The following TMEM232 variants were observed in gnomAD, a reference collection of about 807,000 sequenced individuals.
TMEM232 encodes transmembrane protein 232.
In TMEM232, 80 loss-of-function variants were observed where a neutral mutation model predicts 78.8. The ratio of observed to expected loss-of-function variants is 1.01; its 90% CI spans 0.85 to 1.22. TMEM232 has a LOEUF of 1.22. Ranked by LOEUF, TMEM232 falls within the 50% of genes most tolerant of loss-of-function variation. The pLI is 0.00. For synonymous variants in TMEM232, 297 were observed against 254.3 expected (o/e 1.17, Z -1.60); for missense variants, 881 against 742.2 (o/e 1.19, Z -2.17).
intron 12 of TMEM232, among the ~76,000 whole-genome samples, chr5:110,526,347 T>C (rs181059551): frequency 1.1e-3 from 161 of 151,114 alleles, no homozygotes; most frequent in Admixed American, 2.6e-3. Context: ...TTAATAGATA[T>C]ATAGTCCCAG....
At chr5:110,727,798 G>A (rs542474426), upstream of TMEM232, among the ~76,000 whole-genome samples, 28 of 152,140 alleles carry the variant, frequency 1.8e-4, no homozygotes, top group African/African-American at 6.3e-4. Context: ...CTTCTCTGAC[G>A]TATCACTCCT....
chr5:110,596,551 G>A (rs566940210), intron 10 of TMEM232, among the ~76,000 whole-genome samples: 1 of 152,260 alleles, frequency 6.6e-6, no homozygotes, highest in African/African-American at 2.4e-5. Context: ...GCTGGGCAGA[G>A]ACACCACAAA....
At chr5:110,507,681 C>T (rs368139976) in intron 12 of TMEM232, among the ~76,000 whole-genome samples, 6 of 152,160 alleles carry the variant, frequency 3.9e-5, no homozygotes, top group African/African-American at 1.4e-4. Flanking sequence ...GTCCGAGTGC[C>T]AAGTAGATTT....
chr5:110,683,957 T>A (rs939673028), intron 1 of TMEM232, among the ~76,000 whole-genome samples: 1 of 152,012 alleles, frequency 6.6e-6, no homozygotes, highest in African/African-American at 2.4e-5. Context: ...AGCAAAATAG[T>A]AGGAAATATT....
chr5:110,485,032 G>A (rs1764310352), intron 12 of TMEM232, among the ~76,000 whole-genome samples: 1 of 152,100 alleles, frequency 6.6e-6, no homozygotes, highest in Non-Finnish European at 1.5e-5. Flanking sequence ...CTACATTGTT[G>A]GTGGGAATGT....
chr5:110,721,263 T>G (rs1797571238), intron 1 of TMEM232, among the ~76,000 whole-genome samples: 1 of 152,122 alleles, frequency 6.6e-6, no homozygotes, highest in Non-Finnish European at 1.5e-5. Flanking sequence ...ATAGATTTTG[T>G]GTGACACCAA....
At chr5:110,522,124 GA>G (rs1466519721) in intron 12 of TMEM232, among the ~76,000 whole-genome samples, 1 of 152,052 alleles carries the variant, frequency 6.6e-6, no homozygotes, top group African/African-American at 2.4e-5. Flanking sequence ...TTTCAATCTA[GA>G]AGTCTTTTAC....
At chr5:110,402,552 C>T (rs1454873944) in intron 2 of TMEM232, among the ~76,000 whole-genome samples, 1 of 151,988 alleles carries the variant, frequency 6.6e-6, no homozygotes, top group Non-Finnish European at 1.5e-5. Flanking sequence ...GAGAATTTAT[C>T]AGAAGACTAG....
chr5:110,392,518 A>C (rs531312403), intron 3 of TMEM232, among the ~76,000 whole-genome samples: 2 of 152,180 alleles, frequency 1.3e-5, no homozygotes, highest in African/African-American at 4.8e-5. Flanking sequence ...GGAGACTGAG[A>C]AGTCCAAGAT....
At chr5:110,494,827 T>G (rs1580925565) in intron 12 of TMEM232, among the ~76,000 whole-genome samples, 1 of 151,936 alleles carries the variant, frequency 6.6e-6, no homozygotes, top group African/African-American at 2.4e-5. Context: ...TAATATTGAT[T>G]AATCAAAAAT....
chr5:110,482,551 A>C (rs533069767), intron 12 of TMEM232, among the ~76,000 whole-genome samples: 474 of 151,274 alleles, frequency 3.1e-3, no homozygotes, highest in Middle Eastern at 6.8e-3. Context: ...ACTGCACTCC[A>C]GCCTGGGCGA....
intron 2 of TMEM232, among the ~76,000 whole-genome samples, chr5:110,403,850 G>A (rs1354953195): frequency 1.2e-4 from 18 of 151,930 alleles, no homozygotes; most frequent in Non-Finnish European, 2.6e-4. Flanking sequence ...GGAGCAATGT[G>A]AGGAGTGAAG....
intron 12 of TMEM232, among the ~76,000 whole-genome samples, chr5:110,458,703 T>C (rs192395432): frequency 1.3e-5 from 2 of 152,362 alleles, no homozygotes; most frequent in East Asian, 3.9e-4. Flanking sequence ...TATATGGATG[T>C]ACTTTTATTA....
At chr5:110,643,266 G>A (rs1187717198) in intron 2 of TMEM232, among the ~76,000 whole-genome samples, 1 of 152,018 alleles carries the variant, frequency 6.6e-6, no homozygotes, top group Non-Finnish European at 1.5e-5. Context: ...GACATGTTAT[G>A]TTTGAGATGA....
intron 7 of TMEM232, among the ~76,000 whole-genome samples, chr5:110,619,484 A>C (rs1783363276): frequency 1.3e-5 from 2 of 152,186 alleles, no homozygotes; most frequent in Non-Finnish European, 2.9e-5. Context: ...GATTCTGGAG[A>C]TAAAGACATG....
chr5:110,612,266 G>A (rs1237408072), intron 8 of TMEM232, among the ~76,000 whole-genome samples: 2 of 152,106 alleles, frequency 1.3e-5, no homozygotes, highest in Non-Finnish European at 2.9e-5. Context: ...TCTGGTTTCA[G>A]GTTGCATTGC....
intron 1 of TMEM232, among the ~76,000 whole-genome samples, chr5:110,691,145 G>GT (rs1554079176): frequency 8.6e-5 from 12 of 139,176 alleles, no homozygotes; most frequent in Non-Finnish European, 1.8e-4. Flanking sequence ...AAAGTATAAG[G>GT]AAAAAAAAAA....
In TMEM232 at chr5:110,665,347, A is replaced by C. The variant is rs112794039; in HGVS notation, c.125+1881T>G. ...TGTATAGGTAGTGGTGGCAAGGCCA[A>C]CTCTGTCTCTGTATTAGTCCGTTCT... On this transcript the variant is annotated intron_variant, in intron 2 of 13. Transcript: ENST00000455884. 5.8e-3 allele frequency among the ~76,000 whole-genome samples: 880 copies of C among 152,148 alleles called. 5 individuals carry two copies. Among genetic ancestry groups the C allele is most frequent in the African/African-American group, 0.02 (822 of 41,502 alleles).
rs1786212905 is a variant in TMEM232, at chr5:110,638,503, C to G, written c.344-148G>C. On this transcript the variant is annotated intron_variant, in intron 4 of 13. Coordinates refer to ENST00000455884, the MANE Select transcript of TMEM232 (RefSeq NM_001039763.4). ...TACAAATTCTCTTTGACACCTTTCT[C>G]ATCAAGAGGTGATGTCTATATGCTC... 3.3e-5 allele frequency: 25 copies of G among 767,218 alleles called. No homozygotes were observed. In the South Asian group the frequency reaches 4.6e-4, roughly 14 times the overall value. The allele number at this position is 767,218 out of a possible 1,614,324, so 47.5% of individuals were successfully genotyped here. A position where few individuals can be genotyped will look rare whatever the true frequency, so the allele number is the denominator to read the frequency against.
Sources: gnomAD v4.1 joint callset for allele counts (sites outside exome capture counted in the v4.1 genomes callset) on GRCh38, gnomAD v4.1.1 for gene constraint, MANE v1.5 for transcripts, NCBI Gene and HGNC (gene_info 2026-07-23, HGNC 2026-07-21) for gene names.